The following HMBOX1 variants were observed in gnomAD, a reference collection of about 807,000 sequenced individuals.
The protein encoded by HMBOX1 is homeobox-containing protein 1.
In HMBOX1, 14 loss-of-function variants were observed where a neutral mutation model predicts 54.5. That is an observed-to-expected ratio of 0.26 (90% CI 0.17 to 0.40). The LOEUF (loss-of-function observed/expected upper bound fraction) is 0.40. Among genes scored for constraint, HMBOX1 ranks in the 10% least tolerant of loss-of-function variants. The pLI is 1.00. For synonymous variants in HMBOX1, 160 were observed against 181.0 expected (o/e 0.88, Z 0.93); for missense variants, 332 against 514.4 (o/e 0.65, Z 3.43).
chr8:29,046,704 G>A (rs559772095), intron 7 of HMBOX1, among the ~76,000 whole-genome samples: 2 of 152,252 alleles, frequency 1.3e-5, no homozygotes, highest in Non-Finnish European at 2.9e-5. Flanking sequence ...ATCTTGGGTT[G>A]TTGTGGTGGC....
chr8:28,916,988 G>A (rs1320568930), intron 1 of HMBOX1, among the ~76,000 whole-genome samples: 3 of 149,444 alleles, frequency 2.0e-5, no homozygotes, highest in Non-Finnish European at 3.0e-5. Context: ...GAACACTTGC[G>A]CCCAGGAGGC....
Position 29,030,836 on chromosome 8 carries a change from T to C in HMBOX1, c.851+11923T>C, listed in dbSNP as rs1057259477. The stretch of plus-strand genomic sequence containing the variant: ...TGTTTTAATGCATATTCTCATGATC[T>C]ATCTTAATACTTTGTTTAGCAATCA... On this transcript the variant is annotated intron_variant, in intron 6 of 9. Coordinates refer to ENST00000287701, the MANE Select transcript of HMBOX1 (RefSeq NM_001135726.3). Among the ~76,000 whole-genome samples, 18 of 152,354 alleles carry C rather than the reference T, an allele frequency of 1.2e-4. No individual in the cohort carries two copies. In the East Asian group the frequency reaches 3.3e-3, roughly 28 times the overall value.
intron 4 of HMBOX1, among the ~76,000 whole-genome samples, chr8:28,996,948 A>G (rs1831951260): frequency 6.6e-6 from 1 of 152,118 alleles, no homozygotes; most frequent in Non-Finnish European, 1.5e-5. Flanking sequence ...TATTGATCTT[A>G]TATTCTGCAA....
intron 4 of HMBOX1, among the ~76,000 whole-genome samples, chr8:28,988,718 T>A (rs1830505951): frequency 6.6e-6 from 1 of 152,258 alleles, no homozygotes; most frequent in South Asian, 2.1e-4. Flanking sequence ...CATTTGTTAT[T>A]CATGTATCTT....
intron 5 of HMBOX1, among the ~76,000 whole-genome samples, chr8:29,012,277 A>G (rs764213925): frequency 3.9e-5 from 6 of 152,232 alleles, no homozygotes; most frequent in Non-Finnish European, 5.9e-5. Flanking sequence ...TTTGGTTAAG[A>G]TGAACTAAAA....
chr8:28,935,560 C>T, intron 1 of HMBOX1, among the ~76,000 whole-genome samples: 1 of 151,972 alleles, frequency 6.6e-6, no homozygotes. Context: ...AGATTATAGT[C>T]CTAAACCTAA....
At chr8:28,933,564 C>G (rs979606832) in intron 1 of HMBOX1, among the ~76,000 whole-genome samples, 2 of 152,010 alleles carry the variant, frequency 1.3e-5, no homozygotes, top group Non-Finnish European at 1.5e-5. Flanking sequence ...GTAGACTGAT[C>G]TACAAAAAAA....
chr8:28,967,847 T>A (rs1344197266), intron 2 of HMBOX1, among the ~76,000 whole-genome samples: 2 of 152,202 alleles, frequency 1.3e-5, no homozygotes, highest in Non-Finnish European at 2.9e-5. Flanking sequence ...TTGGAAGAAA[T>A]CAGACCCTAA....
intron 6 of HMBOX1, among the ~76,000 whole-genome samples, chr8:29,039,076 A>G (rs1481475844): frequency 2.0e-5 from 3 of 152,120 alleles, no homozygotes; most frequent in African/African-American, 7.2e-5. Flanking sequence ...GACCCTGCCC[A>G]AGTATACACT....
rs1162477676 is a variant in HMBOX1, at chr8:28,960,765, C to CTTTTTTTTTTT, written c.-57-3017_-57-3007dup. ...TTATTCTCTTTTTCTTTTTCTTTTT[C>CTTTTTTTTTTT]TTTTTTTTTTTTTTTTTTTTTTTTT... On this transcript the variant is annotated intron_variant, in intron 1 of 9. Transcript: ENST00000287701. Among the ~76,000 whole-genome samples, 15 of 16,248 alleles carry CTTTTTTTTTTT rather than the reference C, an allele frequency of 9.2e-4. 1 individual carries two copies. Among genetic ancestry groups the CTTTTTTTTTTT allele is most frequent in the South Asian group, 4.0e-3 (1 of 250 alleles). 10.7% of individuals were successfully genotyped at this position (16,248 alleles called of 152,430 possible).
At chr8:28,917,008 A>G (rs867756775) in intron 1 of HMBOX1, among the ~76,000 whole-genome samples, 2 of 151,138 alleles carry the variant, frequency 1.3e-5, no homozygotes, top group Admixed American at 6.6e-5. Flanking sequence ...CAGAGGTTAC[A>G]GTGAGCAGAG....
chr8:29,009,617 C>G (rs980065719), intron 5 of HMBOX1: 1 of 1,171,104 alleles, frequency 8.5e-7, no homozygotes, highest in African/African-American at 1.8e-5. Flanking sequence ...ATCCAGTGAT[C>G]TCTGCTAATG....
At chr8:28,982,990 T>G (rs1829638186) in intron 4 of HMBOX1, among the ~76,000 whole-genome samples, 1 of 151,908 alleles carries the variant, frequency 6.6e-6, no homozygotes, top group Admixed American at 6.5e-5. Flanking sequence ...TCTCCTGGGA[T>G]TACAGGTGTG....
chr8:28,996,531 A>C (rs1201041934), intron 4 of HMBOX1, among the ~76,000 whole-genome samples: 2 of 152,148 alleles, frequency 1.3e-5, no homozygotes, highest in Non-Finnish European at 2.9e-5. Flanking sequence ...AGGAAGGAGA[A>C]TCATTTGAAC....
chr8:29,037,697 A>T (rs1437041645), intron 6 of HMBOX1, among the ~76,000 whole-genome samples: 2 of 152,192 alleles, frequency 1.3e-5, no homozygotes, highest in Non-Finnish European at 2.9e-5. Context: ...TTTTAAGAAT[A>T]TCCTCTTATT....
chr8:29,039,142 A>G (rs572344418), intron 6 of HMBOX1, among the ~76,000 whole-genome samples: 1 of 152,294 alleles, frequency 6.6e-6, no homozygotes, highest in Non-Finnish European at 1.5e-5. Flanking sequence ...CTTTTACAGT[A>G]CTTCATAATA....
At chr8:29,000,556 A>C (rs1192481133) in intron 4 of HMBOX1, among the ~76,000 whole-genome samples, 1 of 152,256 alleles carries the variant, frequency 6.6e-6, no homozygotes, top group Non-Finnish European at 1.5e-5. Context: ...ACTTATTGCC[A>C]CTGATTGTTT....
chr8:28,938,612 A>G (rs1043368727), intron 1 of HMBOX1, among the ~76,000 whole-genome samples: 2 of 140,640 alleles, frequency 1.4e-5, no homozygotes, highest in Non-Finnish European at 3.1e-5. Context: ...ACTCCTGGCA[A>G]TTTTTTTTTT....
At chr8:29,039,289 A>C (rs763887976) in intron 6 of HMBOX1, among the ~76,000 whole-genome samples, 6 of 152,232 alleles carry the variant, frequency 3.9e-5, no homozygotes, top group Non-Finnish European at 8.8e-5. Context: ...TGATTAATTC[A>C]GTATATTCAA....
Sources: allele counts gnomAD v4.1 joint callset (sites outside exome capture counted in the v4.1 genomes callset), GRCh38; gene constraint gnomAD v4.1.1; transcripts MANE v1.5; gene names NCBI Gene and HGNC (gene_info 2026-07-23, HGNC 2026-07-21).